Variants in DCUN1D4 observed in about 807,000 individuals in gnomAD.
The protein encoded by DCUN1D4 is defective in cullin neddylation 1 domain containing 4.
Under a neutral mutation model 47.9 loss-of-function variants are expected in DCUN1D4, and 22 were observed. That is an observed-to-expected ratio of 0.46 (90% CI 0.33 to 0.66). DCUN1D4 has a LOEUF of 0.66. Ranked by LOEUF, DCUN1D4 falls within the 30% of genes least tolerant of loss-of-function variation. The pLI is 0.02. For synonymous variants in DCUN1D4, 121 were observed against 112.2 expected, an observed-to-expected ratio of 1.08 and a Z score of -0.50; for missense variants, 301 against 340.8, an observed-to-expected ratio of 0.88 and a Z score of 0.92.
At chr4:51,886,505 C>A in intron 5 of DCUN1D4, 63 bp from the exon 6 acceptor site, 1 of 1,385,176 alleles carries the variant, frequency 7.2e-7, no homozygotes, top group Admixed American at 1.8e-5. Flanking sequence ...TATAATACTA[C>A]TACAGTGGTA....
In DCUN1D4 at chr4:51,844,335, G is replaced by A. The variant is rs1013973955; in HGVS notation, c.25+1068G>A. Reference sequence around the variant, plus strand: ...GAGGAGGGGGCGGGGCTGAGGTGGAGGAGACGGGGTAAGTGCCCTAAGGTT... The same window carrying A: ...GAGGAGGGGGCGGGGCTGAGGTGGAAGAGACGGGGTAAGTGCCCTAAGGTT... On this transcript the variant is annotated intron_variant, in intron 1 of 10. Transcript: ENST00000334635. The A allele has an allele frequency of 1.5e-5, 15 of 984,872 alleles. No individual in the cohort carries two copies. In the African/African-American group the frequency reaches 1.9e-4, roughly 13 times the overall value. 61.0% of individuals were successfully genotyped at this position (984,872 alleles called of 1,614,324 possible).
chr4:51,887,065 T>A, intron 6 of DCUN1D4: 1 of 452,822 alleles, frequency 2.2e-6, no homozygotes, highest in South Asian at 1.6e-5. Flanking sequence ...GAATTTTTCA[T>A]AGATCGTTTA....
chr4:51,874,423 A>C (rs940546173), intron 4 of DCUN1D4, 38 bp downstream of exon 4: 1 of 1,492,228 alleles, frequency 6.7e-7, no homozygotes, highest in Admixed American at 1.8e-5. Flanking sequence ...TCAGTGATAC[A>C]TATGTCGAAG....
chr4:51,843,757 G>T (rs1450460421), intron 1 of DCUN1D4: 1 of 1,137,038 alleles, frequency 8.8e-7, no homozygotes, highest in African/African-American at 1.8e-5. Flanking sequence ...GTGCGAGGGG[G>T]GCGCGGGGGC....
chr4:51,846,503 C>T (rs1397432795), intron 1 of DCUN1D4, among the ~76,000 whole-genome samples: 1 of 152,124 alleles, frequency 6.6e-6, no homozygotes, highest in Non-Finnish European at 1.5e-5. Context: ...TTAAGTTGCT[C>T]CCAGCAGCTC....
At chr4:51,910,852 T>C in intron 8 of DCUN1D4, 1 of 552,492 alleles carries the variant, frequency 1.8e-6, no homozygotes, top group South Asian at 2.4e-5. Flanking sequence ...TTGACATAAA[T>C]CTTTCTCACA....
intron 5 of DCUN1D4, among the ~76,000 whole-genome samples, chr4:51,883,858 T>C (rs749222522): frequency 1.3e-5 from 2 of 152,018 alleles, no homozygotes; most frequent in Non-Finnish European, 2.9e-5. Context: ...CAACTTCACT[T>C]TTGGAACATT....
chr4:51,864,562 G>T (rs1322778503), intron 3 of DCUN1D4, among the ~76,000 whole-genome samples: 2 of 152,158 alleles, frequency 1.3e-5, no homozygotes, highest in Non-Finnish European at 2.9e-5. Context: ...TAAGTTTAAG[G>T]TGAAGGCACC....
chr4:51,863,233 T>C (rs950330328), intron 1 of DCUN1D4, among the ~76,000 whole-genome samples: 2 of 152,248 alleles, frequency 1.3e-5, no homozygotes, highest in African/African-American at 2.4e-5. Context: ...GAAAATTTCA[T>C]GAACTTTAAC....
chr4:51,854,683 CAT>C (rs1283362792), intron 1 of DCUN1D4, among the ~76,000 whole-genome samples: 2 of 152,208 alleles, frequency 1.3e-5, no homozygotes, highest in African/African-American at 4.8e-5. Context: ...TCAGTTCTGT[CAT>C]TGCAGTCTTT....
chr4:51,843,721 G>A, intron 1 of DCUN1D4: 1 of 1,223,862 alleles, frequency 8.2e-7, no homozygotes, highest in East Asian at 3.2e-5. Context: ...GAGTGGTGCG[G>A]GCGGCTCCGT....
intron 4 of DCUN1D4, among the ~76,000 whole-genome samples, chr4:51,876,480 T>TAA (rs1471240768): frequency 6.6e-6 from 1 of 151,976 alleles, no homozygotes; most frequent in East Asian, 1.9e-4. Context: ...AATGACGAGT[T>TAA]AATGAGTGCA....
rs79495095 is a variant in DCUN1D4, at chr4:51,858,418, T to C, written c.26-5019T>C. On this transcript the variant is annotated intron_variant, in intron 1 of 10. Transcript: ENST00000334635. ...CTGAGTAGAATGAACAAGGGGAAGA[T>C]GAGTAGAAGATGAGATTGGAGAGAT... 2.1e-3 allele frequency among the ~76,000 whole-genome samples: 323 copies of C among 152,158 alleles called. 9 individuals carry two copies. In the East Asian group the frequency reaches 0.048, roughly 23 times the overall value.
chr4:51,842,896 C>T, upstream of DCUN1D4: 1 of 401,730 alleles, frequency 2.5e-6, no homozygotes, highest in Non-Finnish European at 4.1e-6. Context: ...GCTCTCGGAC[C>T]CCTGGGGGTG....
intron 1 of DCUN1D4, among the ~76,000 whole-genome samples, chr4:51,857,100 G>A (rs747290883): frequency 2.0e-5 from 3 of 152,186 alleles, no homozygotes; most frequent in Non-Finnish European, 4.4e-5. Flanking sequence ...GACCAACAGA[G>A]TGACTATTCA....
intron 7 of DCUN1D4, among the ~76,000 whole-genome samples, chr4:51,897,370 G>A (rs532954449): frequency 5.9e-5 from 9 of 152,166 alleles, no homozygotes; most frequent in South Asian, 2.1e-4. Flanking sequence ...AAATAGATTC[G>A]TGTGCTCTAT....
intron 1 of DCUN1D4, among the ~76,000 whole-genome samples, chr4:51,851,694 G>A (rs1359831517): frequency 2.0e-5 from 3 of 152,160 alleles, no homozygotes; most frequent in African/African-American, 7.2e-5. Context: ...AAAGGGGAAT[G>A]GGGAGGGACT....
chr4:51,837,912 C>T, the DCUN1D4 span, among the ~76,000 whole-genome samples: 1 of 152,134 alleles, frequency 6.6e-6, no homozygotes, highest in African/African-American at 2.4e-5. Flanking sequence ...CACTATTGCT[C>T]ATACCTGCAA....
At chr4:51,835,312 A>G in the DCUN1D4 span, among the ~76,000 whole-genome samples, 1 of 152,220 alleles carries the variant, frequency 6.6e-6, no homozygotes, top group African/African-American at 2.4e-5. Context: ...TCACCCATAA[A>G]GTGGGTTTTA....
Sources: allele counts gnomAD v4.1 joint callset (sites outside exome capture counted in the v4.1 genomes callset), GRCh38; gene constraint gnomAD v4.1.1; transcripts MANE v1.5; gene names NCBI Gene and HGNC (gene_info 2026-07-23, HGNC 2026-07-21).